The following CFAP61 variants were observed in gnomAD, a reference collection of about 807,000 sequenced individuals.
The protein encoded by CFAP61 is cilia- and flagella-associated protein 61.
A neutral mutation model predicts 135.6 loss-of-function variants in CFAP61; 107 were observed. The ratio of observed to expected loss-of-function variants is 0.79; its 90% CI spans 0.67 to 0.93. The LOEUF (loss-of-function observed/expected upper bound fraction) is 0.93, where lower values mean the gene tolerates loss of function less well. Ranked by LOEUF, CFAP61 falls within the 40% of genes least tolerant of loss-of-function variation. CFAP61 has a pLI of 0.00. For missense variants in CFAP61, 1,507 were observed against 1,556.2 expected (o/e 0.97, Z 0.53); for synonymous variants, 575 against 578.5 (o/e 0.99, Z 0.09).
intron 2 of CFAP61, among the ~76,000 whole-genome samples, chr20:20,059,880 A>G (rs1049647592): frequency 2.6e-5 from 4 of 152,116 alleles, no homozygotes; most frequent in Non-Finnish European, 2.9e-5. Flanking sequence ...AGAAGAAGAT[A>G]ATAGGAAGCC....
At position 20,285,061 on chromosome 20, in the gene CFAP61, A is replaced by G. The variant is rs1247170936; in HGVS notation, c.2797-3548A>G. Among the ~76,000 whole-genome samples, 4 of 152,318 alleles carry G rather than the reference A, an allele frequency of 2.6e-5. No individual in the cohort carries two copies. In the East Asian group the frequency reaches 7.7e-4, roughly 29 times the overall value. On this transcript the variant is annotated intron_variant, in intron 22 of 26. Transcript: ENST00000245957. Reference sequence around the variant, plus strand: ...AACGCTTATTTTCACTGAATATAGAATTCTGGGCTTATAGGTTATTTTTTC... The same window carrying G: ...AACGCTTATTTTCACTGAATATAGAGTTCTGGGCTTATAGGTTATTTTTTC...
At chr20:20,103,727 C>T (rs1182436838) in intron 8 of CFAP61, among the ~76,000 whole-genome samples, 2 of 152,206 alleles carry the variant, frequency 1.3e-5, no homozygotes, top group Non-Finnish European at 2.9e-5. Context: ...GGCCGCAGCA[C>T]TGGCCCTGCC....
At chr20:20,235,494 C>G (rs888115740) in intron 18 of CFAP61, among the ~76,000 whole-genome samples, 1 of 152,076 alleles carries the variant, frequency 6.6e-6, no homozygotes, top group Non-Finnish European at 1.5e-5. Flanking sequence ...GCCACCAGGC[C>G]GATGTGGTGT....
At chr20:20,087,246 G>A (rs1031872887) in intron 6 of CFAP61, among the ~76,000 whole-genome samples, 7 of 152,132 alleles carry the variant, frequency 4.6e-5, no homozygotes, top group Admixed American at 6.5e-5. Context: ...CCCAGGTACT[G>A]AGCATAGTAC....
intron 26 of CFAP61, among the ~76,000 whole-genome samples, chr20:20,344,755 TATCCAAAAGAAAGG>T (rs2058572041): frequency 6.6e-6 from 1 of 152,160 alleles, no homozygotes; most frequent in Non-Finnish European, 1.5e-5. Context: ...GCTGGGTATA[TATCCAAAAGAAAGG>T]AAATCAGTAT....
intron 8 of CFAP61, among the ~76,000 whole-genome samples, chr20:20,109,229 T>C (rs2048624887): frequency 6.6e-6 from 1 of 152,202 alleles, no homozygotes; most frequent in Admixed American, 6.5e-5. Flanking sequence ...CTAAAGTGAC[T>C]CTTTTAGGTA....
chr20:20,074,467 G>T, intron 4 of CFAP61, 89 bp downstream of exon 4: 1 of 1,154,394 alleles, frequency 8.7e-7, no homozygotes, highest in Non-Finnish European at 1.3e-6. Flanking sequence ...AAATTCTTTG[G>T]GGTGTTTAAT....
chr20:20,194,351 A>C (rs1490886833), intron 15 of CFAP61, among the ~76,000 whole-genome samples: 1 of 152,082 alleles, frequency 6.6e-6, no homozygotes, highest in Non-Finnish European at 1.5e-5. Flanking sequence ...TTTATTTCAG[A>C]GTTCACCTAT....
At position 20,069,640 on chromosome 20, in the gene CFAP61, A is replaced by G. The variant is rs7262742; in HGVS notation, c.144-1214A>G. Reference sequence around the variant, plus strand: ...CGTATAGTTACCTCACGAAAAGATAAGTCTGGAGAGACAGAAACCAAAGTG... The same window carrying G: ...CGTATAGTTACCTCACGAAAAGATAGGTCTGGAGAGACAGAAACCAAAGTG... On this transcript the variant is annotated intron_variant, in intron 2 of 26. Coordinates refer to ENST00000245957, the MANE Select transcript of CFAP61 (RefSeq NM_015585.4). 3,423 of 429,138 alleles carry G rather than the reference A, an allele frequency of 8.0e-3. 100 individuals are homozygous for G. Among genetic ancestry groups the G allele is most frequent in the African/African-American group, 0.063 (3,099 of 49,354 alleles). 26.6% of individuals were successfully genotyped at this position (429,138 alleles called of 1,614,324 possible). A position where few individuals can be genotyped will look rare whatever the true frequency, so the allele number is the denominator to read the frequency against.
At chr20:20,153,350 G>A (rs1430369464) in intron 9 of CFAP61, among the ~76,000 whole-genome samples, 1 of 151,882 alleles carries the variant, frequency 6.6e-6, no homozygotes, top group Non-Finnish European at 1.5e-5. Flanking sequence ...AAACCCAACA[G>A]AAGAAAAGAA....
chr20:20,117,387 A>AATAAATAAATAAATAAATAG (rs2049232009), intron 8 of CFAP61, among the ~76,000 whole-genome samples: 1 of 152,038 alleles, frequency 6.6e-6, no homozygotes, highest in Admixed American at 6.5e-5. Context: ...TAAATAAATA[A>AATAAATAAATAAATAAATAG]ATAGGCTATA....
At chr20:20,120,718 G>C (rs1485335974) in intron 8 of CFAP61, among the ~76,000 whole-genome samples, 1 of 152,200 alleles carries the variant, frequency 6.6e-6, no homozygotes, top group Non-Finnish European at 1.5e-5. Flanking sequence ...GTCTACTACT[G>C]AGAGTGGAGT....
chr20:20,152,260 C>G (rs936199030), intron 9 of CFAP61, among the ~76,000 whole-genome samples: 1 of 151,830 alleles, frequency 6.6e-6, no homozygotes, highest in Non-Finnish European at 1.5e-5. Context: ...AAAATAGAAC[C>G]TCCATAAGCA....
At chr20:20,117,276 G>A (rs1333100576) in intron 8 of CFAP61, among the ~76,000 whole-genome samples, 1 of 152,082 alleles carries the variant, frequency 6.6e-6, no homozygotes, top group East Asian at 1.9e-4. Flanking sequence ...ACCAGAGGGT[G>A]GATATTGCAG....
intron 25 of CFAP61, among the ~76,000 whole-genome samples, chr20:20,334,324 G>A (rs771575908): frequency 5.3e-5 from 8 of 151,968 alleles, no homozygotes; most frequent in Non-Finnish European, 1.0e-4. Flanking sequence ...ACGGGGTTTC[G>A]CCATCTTGGC....
intron 9 of CFAP61, among the ~76,000 whole-genome samples, chr20:20,143,817 C>A (rs2051622715): frequency 6.6e-6 from 1 of 152,212 alleles, no homozygotes; most frequent in Admixed American, 6.5e-5. Context: ...CATCATTGAT[C>A]AGCAGATCAG....
At chr20:20,135,624 CAACT>C (rs1012720941) in intron 8 of CFAP61, among the ~76,000 whole-genome samples, 1 of 152,140 alleles carries the variant, frequency 6.6e-6, no homozygotes, top group Non-Finnish European at 1.5e-5. Context: ...AAACAAACAA[CAACT>C]AACAAGCAAA....
intron 25 of CFAP61, among the ~76,000 whole-genome samples, chr20:20,319,917 G>A (rs2057352233): frequency 6.6e-6 from 1 of 152,050 alleles, no homozygotes; most frequent in East Asian, 1.9e-4. Flanking sequence ...GTCCTTGGTG[G>A]GAAAACACAC....
chr20:20,081,018 A>C (rs755464289), intron 6 of CFAP61, among the ~76,000 whole-genome samples: 2 of 151,998 alleles, frequency 1.3e-5, no homozygotes, highest in Non-Finnish European at 2.9e-5. Flanking sequence ...AAAAGAAAAG[A>C]AAAAAGGTTC....
Sources: gnomAD v4.1 joint callset for allele counts (sites outside exome capture counted in the v4.1 genomes callset) on GRCh38, gnomAD v4.1.1 for gene constraint, MANE v1.5 for transcripts, NCBI Gene and HGNC (gene_info 2026-07-23, HGNC 2026-07-21) for gene names.